The following SLC12A3 variants were observed in gnomAD, a reference collection of about 807,000 sequenced individuals.
The protein encoded by SLC12A3 is Na-Cl cotransporter.
SLC12A3 carries 104 observed loss-of-function variants against 121.0 expected under a neutral mutation model. That is an observed-to-expected ratio of 0.86 (90% CI 0.73 to 1.01). The LOEUF (loss-of-function observed/expected upper bound fraction) is 1.01, where lower values mean the gene tolerates loss of function less well. SLC12A3 is among the 50% of genes least tolerant of loss of function. The pLI is 0.00. For synonymous variants in SLC12A3, 536 were observed against 533.4 expected, an observed-to-expected ratio of 1.00 and a Z score of -0.07; for missense variants, 1,328 against 1,356.3, an observed-to-expected ratio of 0.98 and a Z score of 0.33.
At chr16:56,878,210 C>T (rs979316911) in intron 9 of SLC12A3, 49 bp downstream of exon 9, 9 of 1,399,668 alleles carry the variant, frequency 6.4e-6, no homozygotes, top group Non-Finnish European at 7.1e-6. Context: ...CTGGCCTCCA[C>T]CCTGCAGTGT....
intron 10 of SLC12A3, 27 bp downstream of exon 10, chr16:56,879,254 G>A: frequency 6.2e-7 from 1 of 1,613,408 alleles, no homozygotes; most frequent in Non-Finnish European, 8.5e-7. Flanking sequence ...TGACCCACCA[G>A]ACACAGTGGG....
In SLC12A3 at chr16:56,887,003, C is replaced by T. The variant is rs1248076886; in HGVS notation, c.2088C>T (p.His696=). Residue 696 remains histidine, a synonymous_variant, in exon 17 of 26, where the codon CAC becomes CAT. Transcript: ENST00000563236. ...MPELQLIANG[H]TKWLNKRKIK... ...AGCTCCAGCTCATCGCCAACGGGCA[C>T]ACCAAGTGGCTGAACAAGAGGAAGA... The T allele has an allele frequency of 1.9e-6, 3 of 1,613,936 alleles. No individual in the cohort carries two copies. The highest frequency in any genetic ancestry group is 1.7e-6 in the Non-Finnish European group (2 of 1,180,020).
intron 25 of SLC12A3, chr16:56,906,778 C>G (rs2055613357): frequency 2.7e-6 from 2 of 753,548 alleles, no homozygotes; most frequent in Non-Finnish European, 4.4e-6. Flanking sequence ...TTGGATTATG[C>G]AAAGAAAAGT....
In SLC12A3 at chr16:56,914,952, G is replaced by A. The variant is rs1240048678; in HGVS notation, c.*1547G>A. On this transcript the variant is annotated 3_prime_UTR_variant, in exon 26 of 26. Transcript: ENST00000563236. ...GGCGGCAGAGGGGGCTGGCAGGGAG[G>A]GGCTGTTAAGAGTGGGGTTGGAGGT... 2 of 152,160 alleles carry A rather than the reference G, an allele frequency of 1.3e-5. No individual in the cohort carries two copies. Among genetic ancestry groups the A allele is most frequent in the Non-Finnish European group, 2.9e-5 (2 of 68,172 alleles). 9.4% of individuals were successfully genotyped at this position (152,160 alleles called of 1,614,324 possible).
intron 23 of SLC12A3, among the ~76,000 whole-genome samples, chr16:56,900,434 C>A (rs937493835): frequency 7.2e-5 from 11 of 152,090 alleles, no homozygotes; most frequent in African/African-American, 2.4e-4. Context: ...GAAAGGCTGG[C>A]CTTGATGATC....
rs750857570 is a variant in SLC12A3, at chr16:56,899,533, C to T, written c.2637C>T (p.Ile879=). 6.2e-7 allele frequency: 1 copy of T among 1,612,546 alleles called. No homozygotes were observed. The highest frequency in any genetic ancestry group is 8.5e-7 in the Non-Finnish European group (1 of 1,178,492). Residue 879 remains isoleucine, a synonymous_variant, in exon 23 of 26, where the codon ATC becomes ATT. Transcript: ENST00000563236. The part of the protein sequence containing the change: ...INRMDQERKA[I]ISLLSKFRLG... ...AAACCCTCCATGTGTCCTCCAGGAT[C>T]ATTTCTCTGCTGAGCAAGTTCCGAC...
chr16:56,886,186 G>C (rs1379005845), intron 15 of SLC12A3, among the ~76,000 whole-genome samples, 178 bp from the exon 16 acceptor site: 1 of 152,214 alleles, frequency 6.6e-6, no homozygotes, highest in African/African-American at 2.4e-5. Context: ...GTCACCAAAA[G>C]AGCAGGAAGA....
rs1397473590 is a variant in SLC12A3 at position 56,872,371 on chromosome 16, TGTC to T, written c.874_876del (p.Val292del). On this transcript the variant is annotated inframe_deletion, in exon 7 of 26. Transcript: ENST00000563236. ...TCCAGGCCCAGGTGCTGTTCTTCCT[TGTC>T]ATCATGGTCTCCTTTGCCAACTATT... 6.2e-7 allele frequency: 1 copy of T among 1,613,868 alleles called. No homozygotes were observed. The highest frequency in any genetic ancestry group is 1.3e-5 in the African/African-American group (1 of 74,934).
At position 56,880,264 on chromosome 16, in the gene SLC12A3, G is replaced by A. The variant is rs2055222471; in HGVS notation, c.1567+11G>A. 1 of 1,572,482 alleles carries A rather than the reference G, an allele frequency of 6.4e-7. No homozygotes were observed. Among genetic ancestry groups the A allele is most frequent in the Non-Finnish European group, 8.6e-7 (1 of 1,158,598 alleles). On this transcript the variant is annotated intron_variant, in intron 12 of 25. Coordinates refer to ENST00000563236, the MANE Select transcript of SLC12A3 (RefSeq NM_001126108.2). ...CCTTCATCATCATCGGTAAGGCTCT[G>A]CCAGGGCTCACAGGGCCTGGCCTCC...
chr16:56,882,365 G>T (rs367957103), intron 12 of SLC12A3, 31 bp from the exon 13 acceptor site: 6 of 1,583,518 alleles, frequency 3.8e-6, no homozygotes, highest in Non-Finnish European at 5.2e-6. Flanking sequence ...TTGCCCAACA[G>T]GCTGTCCTCT....
chr16:56,891,372 A>AC, intron 19 of SLC12A3, among the ~76,000 whole-genome samples: 1 of 33,012 alleles, frequency 3.0e-5, no homozygotes, highest in African/African-American at 2.4e-4. Flanking sequence ...ACCCTGTCTC[A>AC]AAAAAAAAAA....
intron 23 of SLC12A3, among the ~76,000 whole-genome samples, chr16:56,900,535 A>ATTTATTTATTTATTTG (rs2055524247): frequency 6.6e-6 from 1 of 151,494 alleles, no homozygotes; most frequent in African/African-American, 2.4e-5. Flanking sequence ...TTATTTATTT[A>ATTTATTTATTTATTTG]TTTATTTATT....
intron 20 of SLC12A3, 113 bp downstream of exon 20, chr16:56,892,246 G>C (rs772144441): frequency 1.0e-5 from 10 of 972,168 alleles, no homozygotes; most frequent in Non-Finnish European, 1.7e-5. Flanking sequence ...TCGAGGACAG[G>C]TGGTTTTTTC....
chr16:56,905,613 C>T lies in SLC12A3; in HGVS notation c.2924+1151C>T, dbSNP rs79397285. On this transcript the variant is annotated intron_variant, in intron 25 of 25. Transcript: ENST00000563236. Reference sequence around the variant, plus strand: ...GAAACTGCTTGTTCAGAGCCTGAAGCCAGGACCAACTACACAATTTGCAAG... The same window carrying T: ...GAAACTGCTTGTTCAGAGCCTGAAGTCAGGACCAACTACACAATTTGCAAG... Among the ~76,000 whole-genome samples the T allele has an allele frequency of 6.7e-3, 1,015 of 152,082 alleles. 14 individuals are homozygous for T. The highest frequency in any genetic ancestry group is 0.023 in the African/African-American group (951 of 41,486).
At position 56,904,142 on chromosome 16, in the gene SLC12A3, T is replaced by C. The variant is rs961450639; in HGVS notation, c.2857-253T>C. The C allele has an allele frequency of 2.4e-4, 110 of 453,620 alleles. 1 individual carries two copies. Among genetic ancestry groups the C allele is most frequent in the Admixed American group, 4.3e-4 (14 of 32,432 alleles). 28.1% of individuals were successfully genotyped at this position (453,620 alleles called of 1,614,324 possible). A position where few individuals can be genotyped will look rare whatever the true frequency, so the allele number is the denominator to read the frequency against. ...AAGGTGTTCTCTCTTCCCTCTACCCTGCTGGTTATGGTCATAAAGTCAGGC... is the reference window on the plus strand; with the variant it reads ...AAGGTGTTCTCTCTTCCCTCTACCCCGCTGGTTATGGTCATAAAGTCAGGC... On this transcript the variant is annotated intron_variant, in intron 24 of 25. Coordinates refer to ENST00000563236, the MANE Select transcript of SLC12A3 (RefSeq NM_001126108.2).
Position 56,870,190 on chromosome 16 carries a change from CATGCACACG to C in SLC12A3, c.697_705del (p.Met233_Thr235del). 6.2e-7 allele frequency: 1 copy of C among 1,614,000 alleles called. No individual in the cohort carries two copies. Among genetic ancestry groups the C allele is most frequent in the Non-Finnish European group, 8.5e-7 (1 of 1,180,028 alleles). Reference sequence around the variant, plus strand: ...CTTTCGCCAATGCCGTGGGTGTGGCCATGCACACGGTGGGCTTTGCAGAGACCGTGCGGG... The same window carrying C: ...CTTTCGCCAATGCCGTGGGTGTGGCCGTGGGCTTTGCAGAGACCGTGCGGG... On this transcript the variant is annotated inframe_deletion, in exon 5 of 26. Coordinates refer to ENST00000563236, the MANE Select transcript of SLC12A3 (RefSeq NM_001126108.2).
In SLC12A3 at chr16:56,913,364, C is replaced by T. The variant is rs781209989; in HGVS notation, c.3025C>T (p.Arg1009Ter). ...QDLRPPVILI[R>*]GNQENVLTFY... is the part of the protein sequence containing the mutation. ...CCTCAGACCTCCAGTCATCCTGATC[C>T]GAGGAAACCAGGAAAACGTGCTCAC... Residue 1009 changes from arginine to a stop codon, truncating the protein, a stop_gained, in exon 26 of 26, where the codon CGA (arginine) becomes TGA (stop). Coordinates refer to ENST00000563236, the MANE Select transcript of SLC12A3 (RefSeq NM_001126108.2). LOFTEE classifies it high-confidence loss of function. 2.2e-5 allele frequency: 36 copies of T among 1,614,020 alleles called. No homozygotes were observed. Among genetic ancestry groups the T allele is most frequent in the Middle Eastern group, 1.6e-4 (1 of 6,084 alleles).
intron 25 of SLC12A3, 98 bp from the exon 26 acceptor site, chr16:56,913,166 C>T (rs985276473): frequency 5.8e-5 from 88 of 1,519,034 alleles, no homozygotes; most frequent in Non-Finnish European, 6.0e-5. Context: ...CTCTGAGGGA[C>T]GGTAAACAGA....
intron 3 of SLC12A3, 32 bp downstream of exon 3, chr16:56,868,404 G>A (rs374049589): frequency 3.2e-6 from 5 of 1,586,142 alleles, no homozygotes; most frequent in Admixed American, 3.4e-5. Context: ...AGGAGGGAGG[G>A]CTTGCCTGAA....
Sources: allele counts gnomAD v4.1 joint callset (sites outside exome capture counted in the v4.1 genomes callset), GRCh38; gene constraint gnomAD v4.1.1; transcripts MANE v1.5; gene names NCBI Gene and HGNC (gene_info 2026-07-23, HGNC 2026-07-21).